SBNO1: variants seen among roughly 807,000 people sequenced by gnomAD.
SBNO1 encodes the protein strawberry notch homolog 1, also known as protein strawberry notch homolog 1.
In SBNO1, 23 loss-of-function variants were observed where a neutral mutation model predicts 173.6. The observed-to-expected ratio is 0.13, with a 90% CI of 0.10 to 0.19. The LOEUF is 0.19. Among genes scored for constraint, SBNO1 ranks in the 10% least tolerant of loss-of-function variants. The pLI, the probability that SBNO1 is intolerant of heterozygous loss-of-function variation, is 1.00. For synonymous variants in SBNO1, 632 were observed against 571.5 expected (o/e 1.11, Z -1.51); for missense variants, 1,238 against 1,671.2 (o/e 0.74, Z 4.52).
At chr12:123,332,561 G>A (rs772083692) in intron 7 of SBNO1, among the ~76,000 whole-genome samples, 16 of 150,600 alleles carry the variant, frequency 1.1e-4, no homozygotes, top group Non-Finnish European at 1.6e-4. Flanking sequence ...CAAAGTGCCC[G>A]GCCAGTGGTT....
rs775922773 is a variant in SBNO1 at position 123,296,016 on chromosome 12, A to G, written c.4074T>C (p.Leu1358=). Residue 1358 remains leucine (L), a synonymous_variant, in exon 32 of 32, where the codon CTT becomes CTC. Transcript: ENST00000602398. ...GGTCTGAAGTTGATAGGAGATTTACAAGAGGAGACACACAATTTGCCGGAA... is the reference window on the plus strand; with the variant it reads ...GGTCTGAAGTTGATAGGAGATTTACGAGAGGAGACACACAATTTGCCGGAA... ...LIIPANCVSP[L]VNLLSTSDQS... is the part of the protein sequence containing the mutation. 1.2e-5 allele frequency: 19 copies of G among 1,613,810 alleles called. No homozygotes were observed. Among genetic ancestry groups the G allele is most frequent in the African/African-American group, 1.3e-5 (1 of 74,914 alleles).
intron 2 of SBNO1, among the ~76,000 whole-genome samples, chr12:123,349,907 C>A (rs1009438914): frequency 7.4e-5 from 11 of 148,486 alleles, no homozygotes; most frequent in African/African-American, 2.2e-4. Flanking sequence ...AGCAAGACTC[C>A]GTCTCAGAAA....
rs1242418107 is a variant in SBNO1, at chr12:123,292,182, C to T, written c.*3726G>A. The T allele has an allele frequency of 6.6e-6, 1 of 152,148 alleles. No homozygotes were observed. The highest frequency in any genetic ancestry group is 2.1e-4 in the South Asian group (1 of 4,824). 9.4% of individuals were successfully genotyped at this position (152,148 alleles called of 1,614,324 possible). ...AGGGGAGTCAGTAAATGTCCATCTCCACGGTGTCTGCCTTTGCCATTGGGA... is the reference window on the plus strand; with the variant it reads ...AGGGGAGTCAGTAAATGTCCATCTCTACGGTGTCTGCCTTTGCCATTGGGA... On this transcript the variant is annotated 3_prime_UTR_variant, in exon 32 of 32. Coordinates refer to ENST00000602398, the MANE Select transcript of SBNO1 (RefSeq NM_001167856.3).
intron 8 of SBNO1, 27 bp from the exon 9 acceptor site, chr12:123,330,536 T>C (rs1566040141): frequency 1.6e-6 from 2 of 1,259,458 alleles, no homozygotes; most frequent in Non-Finnish European, 2.3e-6. Flanking sequence ...AAGCACAAAT[T>C]AAATACAAAT....
In SBNO1 at chr12:123,321,650, T is replaced by C. The variant is rs896183773; in HGVS notation, c.2208A>G (p.Glu736=). ...TGSSSDDSGS[E]SDASDNEESD... ...TTTCTTCATTATCAGAGGCATCAGA[T>C]TCACTTCCACTGTCGTCAGAACTGC... The change falls in exon 17 of 32, where the codon GAA becomes GAG. Residue 736 remains glutamate (E), a synonymous_variant. Transcript: ENST00000602398. 4 of 1,613,962 alleles carry C rather than the reference T, an allele frequency of 2.5e-6. No homozygotes were observed. The African/African-American group carries it at 4.0e-5, about 16-fold the overall frequency.
intron 16 of SBNO1, among the ~76,000 whole-genome samples, chr12:123,323,203 G>T (rs192392390): frequency 6.6e-6 from 1 of 152,124 alleles, no homozygotes; most frequent in Admixed American, 6.5e-5. Flanking sequence ...AATTTAAAAC[G>T]GGGATAACTT....
At chr12:123,327,377 A>T in intron 13 of SBNO1, 49 bp downstream of exon 13, 2 of 1,508,906 alleles carry the variant, frequency 1.3e-6, no homozygotes, top group Non-Finnish European at 9.1e-7. Context: ...TAACAGAAAC[A>T]TTATCAGATA....
Position 123,297,916 on chromosome 12 carries a change from T to C in SBNO1, c.4039+62A>G, listed in dbSNP as rs1043277537. On this transcript the variant is annotated intron_variant, in intron 31 of 31. Transcript: ENST00000602398. ...TGGAATAAAGCTAAGATATTAGCAA[T>C]GAGAAAAAAGTCGGATCCGATTTTT... The C allele has an allele frequency of 4.8e-6, 7 of 1,471,038 alleles. No homozygotes were observed. In the African/African-American group the frequency reaches 8.4e-5, roughly 18 times the overall value. The allele number at this position is 1,471,038 out of a possible 1,614,324, so 91.1% of individuals were successfully genotyped here. A position where few individuals can be genotyped will look rare whatever the true frequency, so the allele number is the denominator to read the frequency against.
In SBNO1 at chr12:123,295,777, T is replaced by C; in HGVS notation, c.*131A>G. The C allele has an allele frequency of 8.1e-7, 1 of 1,235,096 alleles. No individual in the cohort carries two copies. Among genetic ancestry groups the C allele is most frequent in the Non-Finnish European group, 1.1e-6 (1 of 882,940 alleles). 76.5% of individuals were successfully genotyped at this position (1,235,096 alleles called of 1,614,324 possible). ...CTATCTATTCCAGGTTTGTCCTTAC[T>C]CCCAAAAAAACTAACTAGAGAGCAC... On this transcript the variant is annotated 3_prime_UTR_variant, in exon 32 of 32. Transcript: ENST00000602398.
chr12:123,304,511 C>T (rs1232260709), intron 29 of SBNO1, 71 bp downstream of exon 29: 1 of 1,183,630 alleles, frequency 8.4e-7, no homozygotes, highest in South Asian at 1.3e-5. Flanking sequence ...GCTGAGATTA[C>T]AGGTGTGAGC....
At chr12:123,329,535 T>C (rs1341594449) in intron 9 of SBNO1, among the ~76,000 whole-genome samples, 1 of 152,140 alleles carries the variant, frequency 6.6e-6, no homozygotes, top group Non-Finnish European at 1.5e-5. Flanking sequence ...GTGATTAATT[T>C]CTGATACATA....
chr12:123,325,379 C>A, intron 15 of SBNO1, 123 bp downstream of exon 15: 3 of 660,686 alleles, frequency 4.5e-6, no homozygotes, highest in South Asian at 1.9e-5. Context: ...AAACTCAGAT[C>A]AAGAAAACTT....
intron 16 of SBNO1, among the ~76,000 whole-genome samples, chr12:123,322,310 T>C (rs574954740): frequency 7.3e-5 from 11 of 151,514 alleles, no homozygotes; most frequent in South Asian, 2.1e-4. Flanking sequence ...TTTTTTTTTT[T>C]CCCCAGACAG....
chr12:123,331,976 C>T (rs1455044814), intron 7 of SBNO1, among the ~76,000 whole-genome samples: 1 of 151,644 alleles, frequency 6.6e-6, no homozygotes, highest in African/African-American at 2.4e-5. Context: ...TTCAGCCTCC[C>T]GAGTAGCTGG....
chr12:123,355,705 C>A (rs1874383056), intron 1 of SBNO1, among the ~76,000 whole-genome samples: 1 of 152,094 alleles, frequency 6.6e-6, no homozygotes, highest in African/African-American at 2.4e-5. Flanking sequence ...ATCCCTTGAG[C>A]CTAGCAGGTC....
At chr12:123,348,154 G>C in intron 2 of SBNO1, 21 bp from the exon 3 acceptor site, 1 of 1,276,442 alleles carries the variant, frequency 7.8e-7, no homozygotes, top group Non-Finnish European at 1.1e-6. Context: ...AACAACATCA[G>C]ACAAAAAATA....
rs1566030481 is a variant in SBNO1, at chr12:123,315,748, A to G, written c.2936-88T>C. Reference sequence around the variant, plus strand: ...ATGTATTCCTAGCATTTAACACTAAACTGGTATTGGGAAACCACTAAACAA... The same window carrying G: ...ATGTATTCCTAGCATTTAACACTAAGCTGGTATTGGGAAACCACTAAACAA... On this transcript the variant is annotated intron_variant, in intron 21 of 31. Transcript: ENST00000602398. 16 of 745,828 alleles carry G rather than the reference A, an allele frequency of 2.1e-5. No homozygotes were observed. In the South Asian group the frequency reaches 2.5e-4, roughly 12 times the overall value. The allele number at this position is 745,828 out of a possible 1,614,324, so 46.2% of individuals were successfully genotyped here. A position where few individuals can be genotyped will look rare whatever the true frequency, so the allele number is the denominator to read the frequency against.
chr12:123,327,173 A>G (rs1566038004), intron 13 of SBNO1, among the ~76,000 whole-genome samples: 1 of 151,384 alleles, frequency 6.6e-6, no homozygotes, highest in Non-Finnish European at 1.5e-5. Flanking sequence ...TGCCCAGCTA[A>G]TTTTTTTTCG....
chr12:123,330,438 A>G lies in SBNO1; in HGVS notation c.1115T>C (p.Leu372Ser). The change falls in exon 9 of 32, where the codon TTG becomes TCG. Residue 372 changes from leucine to serine, a missense_variant. Around this residue, in one of 14 missense-constraint regions of SBNO1, gnomAD observed 56 missense variants for 65.1 expected, o/e 0.86. Coordinates refer to ENST00000602398, the MANE Select transcript of SBNO1 (RefSeq NM_001167856.3). ...TCATACCTTATTTAACGAATGAACCAAAATGTTTTTTGCTCCAATATCCCT... is the reference window on the plus strand; with the variant it reads ...TCATACCTTATTTAACGAATGAACCGAAATGTTTTTTGCTCCAATATCCCT... ...DLRDIGAKNI[L>S]VHSLNKFKYG... 2 of 1,596,862 alleles carry G rather than the reference A, an allele frequency of 1.3e-6. No individual in the cohort carries two copies. Among genetic ancestry groups the G allele is most frequent in the Non-Finnish European group, 1.7e-6 (2 of 1,168,194 alleles).
Sources: gnomAD v4.1 joint callset for allele counts (sites outside exome capture counted in the v4.1 genomes callset) on GRCh38, gnomAD v4.1.1 for gene constraint, gnomAD v4.1.1 regional missense constraint, MANE v1.5 for transcripts, NCBI Gene and HGNC (gene_info 2026-07-23, HGNC 2026-07-21) for gene names.